Variants in DMD observed in about 807,000 individuals in gnomAD.
The protein encoded by DMD is mutant dystrophin.
A neutral mutation model predicts 330.1 loss-of-function variants in DMD; 63 were observed. The observed-to-expected ratio is 0.19, with a 90% CI of 0.16 to 0.24. The LOEUF (loss-of-function observed/expected upper bound fraction) is 0.24. Among genes scored for constraint, DMD ranks in the 10% least tolerant of loss-of-function variants. DMD has a pLI of 1.00. For missense variants in DMD, 3,344 were observed against 2,684.1 expected (o/e 1.25, Z -5.43); for synonymous variants, 1,223 against 959.8 (o/e 1.27, Z -5.07).
At chrX:32,302,318 T>G (rs2097526382) in intron 42 of DMD, among the ~76,000 whole-genome samples, 1 of 111,216 alleles carries the variant, frequency 9.0e-6, no homozygotes, top group East Asian at 2.8e-4. Flanking sequence ...CCATGATATT[T>G]GGTGGGTTAA....
In DMD at chrX:31,175,934, AAT is replaced by A. The variant is rs1461302133; in HGVS notation, c.10262+1996_10262+1997del. Among the ~76,000 whole-genome samples the A allele has an allele frequency of 1.2e-4, 13 of 111,493 alleles. No homozygotes were observed. In the Admixed American group the frequency reaches 1.2e-3, roughly 11 times the overall value. ...TAAAGTAATATGACAAACACAAGCA[AAT>A]AAGAGTTTAGTCTAAGGAAAACCAA... On this transcript the variant is annotated intron_variant, in intron 71 of 78. Coordinates refer to ENST00000357033, the MANE Select transcript of DMD (RefSeq NM_004006.3).
chrX:33,075,973 A>G (rs1569552812), intron 1 of DMD, among the ~76,000 whole-genome samples: 1 of 112,040 alleles, frequency 8.9e-6, no homozygotes. Flanking sequence ...ATGCAGCTAG[A>G]GACTACAAGA....
chrX:32,184,635 A>C (rs1317334967), intron 44 of DMD, among the ~76,000 whole-genome samples: 2 of 111,180 alleles, frequency 1.8e-5, no homozygotes, highest in African/African-American at 6.5e-5. Context: ...AGTTGAAAGC[A>C]AAGAGTTAGC....
At chrX:32,822,865 G>C (rs2078388905) in intron 5 of DMD, among the ~76,000 whole-genome samples, 2 of 110,861 alleles carry the variant, frequency 1.8e-5, no homozygotes, top group Admixed American at 1.9e-4. Flanking sequence ...CACATTTATT[G>C]ATAGAGATAC....
chrX:32,909,150 CAAAAAAAAAA>C (rs36075436), intron 2 of DMD, among the ~76,000 whole-genome samples: 16 of 68,239 alleles, frequency 2.3e-4, no homozygotes, highest in Non-Finnish European at 2.5e-4. Flanking sequence ...TCTATATGAG[CAAAAAAAAAA>C]AAAAAAAAAA....
At chrX:31,557,005 C>A (rs1358364220) in intron 55 of DMD, among the ~76,000 whole-genome samples, 1 of 112,138 alleles carries the variant, frequency 8.9e-6, no homozygotes, top group Non-Finnish European at 1.9e-5. Flanking sequence ...AAAATACATT[C>A]TCAGGACTTT....
At chrX:31,573,939 T>C (rs2075957359) in intron 55 of DMD, among the ~76,000 whole-genome samples, 1 of 110,835 alleles carries the variant, frequency 9.0e-6, no homozygotes, top group African/African-American at 3.3e-5. Flanking sequence ...TTTATATAAG[T>C]TTTCTCATTT....
intron 60 of DMD, among the ~76,000 whole-genome samples, chrX:31,398,301 A>G (rs1404823197): frequency 8.9e-6 from 1 of 112,321 alleles, no homozygotes; most frequent in Non-Finnish European, 1.9e-5. Flanking sequence ...TTGAATAAGA[A>G]TAGGAATTTC....
chrX:31,826,249 T>A (rs2149448726), intron 49 of DMD, among the ~76,000 whole-genome samples: 1 of 112,137 alleles, frequency 8.9e-6, no homozygotes, highest in South Asian at 3.6e-4. Flanking sequence ...GGTGGATTTT[T>A]AAAATTAAAT....
intron 2 of DMD, among the ~76,000 whole-genome samples, chrX:32,949,305 A>G (rs2091045437): frequency 9.4e-6 from 1 of 106,466 alleles, no homozygotes; most frequent in Admixed American, 1.0e-4. Flanking sequence ...CACATAATAT[A>G]TTAGATGATA....
At chrX:32,563,062 C>T (rs758153359) in intron 16 of DMD, among the ~76,000 whole-genome samples, 6 of 110,862 alleles carry the variant, frequency 5.4e-5, no homozygotes, top group South Asian at 3.8e-4. Flanking sequence ...GATAGTGGGC[C>T]GGGCGCGGTG....
chrX:32,610,462 G>C (rs2057080118), intron 12 of DMD, among the ~76,000 whole-genome samples: 1 of 111,246 alleles, frequency 9.0e-6, no homozygotes, highest in South Asian at 3.7e-4. Flanking sequence ...TTTCTAGCCT[G>C]CCTCATAATA....
At chrX:32,716,461 T>A (rs2065747131) in intron 7 of DMD, among the ~76,000 whole-genome samples, 1 of 111,730 alleles carries the variant, frequency 9.0e-6, no homozygotes, top group Admixed American at 9.6e-5. Flanking sequence ...ATACTTCCTG[T>A]ACAGCCTGAA....
intron 9 of DMD, among the ~76,000 whole-genome samples, chrX:32,686,695 G>T (rs190238735): frequency 7.3e-4 from 80 of 109,228 alleles, no homozygotes; most frequent in Middle Eastern, 9.4e-3. Context: ...TAAAATATAA[G>T]GTTAATAATT....
intron 53 of DMD, among the ~76,000 whole-genome samples, chrX:31,662,740 T>C (rs1396050984): frequency 8.9e-6 from 1 of 111,852 alleles, no homozygotes; most frequent in East Asian, 2.8e-4. Context: ...GTCCCAGTTT[T>C]GTCATCTGTA....
intron 56 of DMD, among the ~76,000 whole-genome samples, chrX:31,506,669 C>T (rs1283470814): frequency 8.9e-6 from 1 of 112,012 alleles, no homozygotes; most frequent in African/African-American, 3.2e-5. Flanking sequence ...AAAGCTGGCA[C>T]ATAGAAGGGG....
At chrX:32,580,064 C>A (rs1241169617) in intron 13 of DMD, among the ~76,000 whole-genome samples, 1 of 108,310 alleles carries the variant, frequency 9.2e-6, no homozygotes, top group Admixed American at 9.9e-5. Flanking sequence ...CAGCTCCCAC[C>A]AGTCTGTTCA....
chrX:32,647,541 T>C (rs981332712), intron 9 of DMD, among the ~76,000 whole-genome samples: 3 of 111,617 alleles, frequency 2.7e-5, no homozygotes, highest in African/African-American at 9.8e-5. Flanking sequence ...CCTGTTATGT[T>C]CCTATATGAA....
At chrX:31,730,286 G>GA (rs2086406448) in intron 51 of DMD, among the ~76,000 whole-genome samples, 1 of 111,543 alleles carries the variant, frequency 9.0e-6, no homozygotes, top group Admixed American at 9.5e-5. Context: ...CTGTCCGTAA[G>GA]AATCACCAAA....
Sources: gnomAD v4.1 joint callset for allele counts (sites outside exome capture counted in the v4.1 genomes callset) on GRCh38, gnomAD v4.1.1 for gene constraint, MANE v1.5 for transcripts, NCBI Gene and HGNC (gene_info 2026-07-23, HGNC 2026-07-21) for gene names.